KLHL1: variants seen among roughly 807,000 people sequenced by gnomAD.
The protein encoded by KLHL1 is kelch like family member 1.
A neutral mutation model predicts 77.7 loss-of-function variants in KLHL1; 47 were observed. The observed-to-expected ratio is 0.60, with a 90% CI of 0.48 to 0.77. KLHL1 has a LOEUF of 0.77. Among genes scored for constraint, KLHL1 ranks in the 30% least tolerant of loss-of-function variants. The pLI is 0.00. For synonymous variants in KLHL1, 360 were observed against 325.2 expected, an observed-to-expected ratio of 1.11 and a Z score of -1.15; for missense variants, 925 against 910.8, an observed-to-expected ratio of 1.02 and a Z score of -0.20.
At chr13:70,004,805 A>G (rs1279034289) in intron 1 of KLHL1, among the ~76,000 whole-genome samples, 9 of 151,726 alleles carry the variant, frequency 5.9e-5, no homozygotes, top group Non-Finnish European at 8.8e-5. Flanking sequence ...AAATTACTGT[A>G]CTAATTAAAA....
chr13:69,747,318 A>C (rs1874257899), intron 7 of KLHL1, among the ~76,000 whole-genome samples: 1 of 151,936 alleles, frequency 6.6e-6, no homozygotes, highest in South Asian at 2.1e-4. Flanking sequence ...ATTGATTGTC[A>C]TTGTTTTGGT....
intron 1 of KLHL1, among the ~76,000 whole-genome samples, chr13:70,084,726 C>T (rs1394492019): frequency 2.0e-5 from 3 of 148,648 alleles, no homozygotes; most frequent in African/African-American, 7.5e-5. Flanking sequence ...CCACCCGCCT[C>T]GGCCTCCCAA....
intron 4 of KLHL1, among the ~76,000 whole-genome samples, chr13:69,915,615 T>C (rs1325139794): frequency 6.6e-6 from 1 of 152,120 alleles, no homozygotes; most frequent in East Asian, 1.9e-4. Flanking sequence ...AAGACTTAAA[T>C]GTTAGAACTG....
chr13:69,976,425 AT>A (rs1427707120), intron 1 of KLHL1, among the ~76,000 whole-genome samples: 1 of 152,028 alleles, frequency 6.6e-6, no homozygotes, highest in Non-Finnish European at 1.5e-5. Flanking sequence ...AAACTTTATG[AT>A]TTTGGAAAGT....
chr13:70,014,374 A>G (rs1885606589), intron 1 of KLHL1, among the ~76,000 whole-genome samples: 1 of 152,124 alleles, frequency 6.6e-6, no homozygotes, highest in Non-Finnish European at 1.5e-5. Context: ...TCAAAAATCA[A>G]TACATTTATG....
At chr13:69,993,927 G>C (rs1885086982) in intron 1 of KLHL1, among the ~76,000 whole-genome samples, 1 of 152,012 alleles carries the variant, frequency 6.6e-6, no homozygotes, top group South Asian at 2.1e-4. Flanking sequence ...AAAATATCCA[G>C]AGTAGAGACA....
At chr13:70,027,869 T>G (rs4883852) in intron 1 of KLHL1, among the ~76,000 whole-genome samples, 129,563 of 151,964 alleles carry the variant, frequency 0.85, 55,786 homozygotes, top group East Asian at 0.92. Flanking sequence ...CATGCACAGT[T>G]AATTTTTAGA....
At chr13:69,756,880 T>A (rs988973215) in intron 7 of KLHL1, among the ~76,000 whole-genome samples, 20 of 152,212 alleles carry the variant, frequency 1.3e-4, no homozygotes, top group African/African-American at 4.1e-4. Flanking sequence ...TGGCTAGGAA[T>A]CTTTAGCAAA....
In KLHL1 at chr13:69,815,978, A is replaced by G. The variant is rs144347575; in HGVS notation, c.1415-19016T>C. ...TGAAAAGGCTATATTTTGTTGGTAT[A>G]TAAAACATATTAATCAAGAGGAAAA... is the stretch of plus-strand genomic sequence containing the variant. On this transcript the variant is annotated intron_variant, in intron 6 of 10. Coordinates refer to ENST00000377844, the MANE Select transcript of KLHL1 (RefSeq NM_020866.3). Among the ~76,000 whole-genome samples, 361 of 152,188 alleles carry G rather than the reference A, an allele frequency of 2.4e-3. 2 individuals carry two copies. The highest frequency in any genetic ancestry group is 8.4e-3 in the African/African-American group (349 of 41,566).
At chr13:69,777,171 C>G (rs187155843) in intron 7 of KLHL1, among the ~76,000 whole-genome samples, 4 of 152,138 alleles carry the variant, frequency 2.6e-5, no homozygotes, top group Admixed American at 6.6e-5. Context: ...GTAAGACGTG[C>G]CTTTGCTCCT....
chr13:69,939,455 A>C (rs1488595171), intron 4 of KLHL1, among the ~76,000 whole-genome samples: 1 of 150,342 alleles, frequency 6.7e-6, no homozygotes, highest in Non-Finnish European at 1.5e-5. Context: ...CCATAAAATC[A>C]TACTGGCATA....
At chr13:69,980,328 T>G (rs17086073) in intron 1 of KLHL1, among the ~76,000 whole-genome samples, 23,154 of 152,076 alleles carry the variant, frequency 0.15, 3,759 homozygotes, top group African/African-American at 0.41. Context: ...CCTACCTACT[T>G]AGTGCAAATC....
chr13:69,932,958 T>G (rs2138284676), intron 4 of KLHL1, among the ~76,000 whole-genome samples: 1 of 152,084 alleles, frequency 6.6e-6, no homozygotes, highest in African/African-American at 2.4e-5. Context: ...GTTCTCCATC[T>G]AATTCAGGGA....
At chr13:70,018,185 C>T (rs1259480676) in intron 1 of KLHL1, among the ~76,000 whole-genome samples, 3 of 152,116 alleles carry the variant, frequency 2.0e-5, no homozygotes, top group Non-Finnish European at 2.9e-5. Context: ...ACCACATGCC[C>T]AGCATGATTT....
rs182191933 is a variant in KLHL1 at position 69,890,645 on chromosome 13, C to T, written c.1015-8150G>A. Among the ~76,000 whole-genome samples, 403 of 147,726 alleles carry T rather than the reference C, an allele frequency of 2.7e-3. 2 individuals are homozygous for T. The highest frequency in any genetic ancestry group is 8.0e-3 in the African/African-American group (307 of 38,188). On this transcript the variant is annotated intron_variant, in intron 4 of 10. Coordinates refer to ENST00000377844, the MANE Select transcript of KLHL1 (RefSeq NM_020866.3). Reference sequence around the variant, plus strand: ...TTAATATTTTTCTTCCACACACACACGCACACACACACACACACACAGATA... The same window carrying T: ...TTAATATTTTTCTTCCACACACACATGCACACACACACACACACACAGATA...
At chr13:69,976,509 T>C (rs1157101786) in intron 1 of KLHL1, among the ~76,000 whole-genome samples, 1 of 152,068 alleles carries the variant, frequency 6.6e-6, no homozygotes, top group Non-Finnish European at 1.5e-5. Context: ...CTTTAATAAG[T>C]GCTATACTCC....
In KLHL1 at chr13:69,779,389, T is replaced by C. The variant is rs907904382; in HGVS notation, c.1639+17349A>G. ...CTTCCTCCCCTCCCCTCTCCTCCCC[T>C]GTCCTCCCCTCTTCCCTCCTTTCCT... On this transcript the variant is annotated intron_variant, in intron 7 of 10. Coordinates refer to ENST00000377844, the MANE Select transcript of KLHL1 (RefSeq NM_020866.3). Among the ~76,000 whole-genome samples, 10 of 131,894 alleles carry C rather than the reference T, an allele frequency of 7.6e-5. No individual in the cohort carries two copies. In the East Asian group the frequency reaches 2.6e-3, roughly 34 times the overall value. 86.5% of individuals were successfully genotyped at this position (131,894 alleles called of 152,430 possible). A position where few individuals can be genotyped will look rare whatever the true frequency, so the allele number is the denominator to read the frequency against.
At chr13:69,818,217 A>ATTTTTTTTTTTT (rs1878195724) in intron 6 of KLHL1, among the ~76,000 whole-genome samples, 4 of 124,426 alleles carry the variant, frequency 3.2e-5, no homozygotes, top group African/African-American at 1.2e-4. Flanking sequence ...ACTCATAGGC[A>ATTTTTTTTTTTT]TCTTTTTTTT....
At chr13:70,087,723 G>A (rs1396648520) in intron 1 of KLHL1, among the ~76,000 whole-genome samples, 1 of 152,072 alleles carries the variant, frequency 6.6e-6, no homozygotes, top group Non-Finnish European at 1.5e-5. Flanking sequence ...TTGGAAACAA[G>A]GCCTTCTGAT....
Sources: allele counts gnomAD v4.1 joint callset (sites outside exome capture counted in the v4.1 genomes callset), GRCh38; gene constraint gnomAD v4.1.1; transcripts MANE v1.5; gene names NCBI Gene and HGNC (gene_info 2026-07-23, HGNC 2026-07-21).